GNAL: variants seen among roughly 807,000 people sequenced by gnomAD.
GNAL encodes G protein subunit alpha L, also known as guanine nucleotide-binding protein G(olf) subunit alpha.
In GNAL, 18 loss-of-function variants were observed where a neutral mutation model predicts 55.1. The observed-to-expected ratio is 0.33, with a 90% CI of 0.23 to 0.48. GNAL has a LOEUF of 0.48. GNAL is among the 20% of genes least tolerant of loss of function. The pLI, the probability that GNAL is intolerant of heterozygous loss-of-function variation, is 0.99. For missense variants in GNAL, 412 were observed against 614.1 expected (o/e 0.67, Z 3.48); for synonymous variants, 253 against 237.0 (o/e 1.07, Z -0.62).
intron 1 of GNAL, among the ~76,000 whole-genome samples, chr18:11,697,263 C>T (rs1324481469): frequency 6.6e-6 from 1 of 151,902 alleles, no homozygotes; most frequent in African/African-American, 2.4e-5. Context: ...GGAGGCCGGG[C>T]ACGGTGGTGC....
chr18:11,769,473 T>TG (rs139249219), intron 4 of GNAL, among the ~76,000 whole-genome samples: 23,853 of 151,966 alleles, frequency 0.16, 2,072 homozygotes, highest in East Asian at 0.32. Flanking sequence ...TTCTCAGGTC[T>TG]GGGGGACAGT....
chr18:11,808,179 G>T (rs763095191), intron 4 of GNAL, among the ~76,000 whole-genome samples: 1 of 151,986 alleles, frequency 6.6e-6, no homozygotes, highest in Non-Finnish European at 1.5e-5. Flanking sequence ...GGAAGGAATC[G>T]CCACTCTCCC....
rs779141061 is a variant in GNAL, at chr18:11,885,066, C to T, written c.*3931C>T. On this transcript the variant is annotated 3_prime_UTR_variant, in exon 12 of 12. Coordinates refer to ENST00000334049, the MANE Select transcript of GNAL (RefSeq NM_182978.4). ...TCCCTAGAAATACATGTGTCCAGGT[C>T]GTCTCCATGGGCTTTTCTTTGCAGA... 3.9e-6 allele frequency: 5 copies of T among 1,288,204 alleles called. No homozygotes were observed. Among genetic ancestry groups the T allele is most frequent in the South Asian group, 2.5e-5 (2 of 80,154 alleles). The allele number at this position is 1,288,204 out of a possible 1,614,324, so 79.8% of individuals were successfully genotyped here. A position where few individuals can be genotyped will look rare whatever the true frequency, so the allele number is the denominator to read the frequency against.
chr18:11,865,280 C>T (rs1319116351), intron 7 of GNAL, among the ~76,000 whole-genome samples: 1 of 149,582 alleles, frequency 6.7e-6, no homozygotes, highest in Non-Finnish European at 1.5e-5. Context: ...AAGCCCTCTG[C>T]CTATGACCAG....
In GNAL at chr18:11,752,692, C is replaced by G; in HGVS notation, c.377-161C>G. ...GCGAGGGTCGCGCGCACCTCTGGGC[C>G]GCGGAGCCCAGACGGCGGCCGGGGC... On this transcript the variant is annotated intron_variant, in intron 1 of 11. Transcript: ENST00000334049. The surrounding 1 kb of genome is among the most constrained non-coding windows in gnomAD (Gnocchi z 4.5). 27 of 1,243,864 alleles carry G rather than the reference C, an allele frequency of 2.2e-5. No individual in the cohort carries two copies. The highest frequency in any genetic ancestry group is 2.8e-5 in the Non-Finnish European group (26 of 927,122). 77.1% of individuals were successfully genotyped at this position (1,243,864 alleles called of 1,614,324 possible).
In GNAL at chr18:11,711,294, T is replaced by G. The variant is rs144172591; in HGVS notation, c.376+21355T>G. 4.7e-3 allele frequency among the ~76,000 whole-genome samples: 710 copies of G among 152,366 alleles called. 5 individuals are homozygous for G. The highest frequency in any genetic ancestry group is 7.1e-3 in the Non-Finnish European group (481 of 68,034). On this transcript the variant is annotated intron_variant, in intron 1 of 11. Transcript: ENST00000334049. ...GACCATTATTTCTTTTAATAAGCTT[T>G]CTTCCTCAGTTTCTTTCTTCACCTT...
At position 11,771,808 on chromosome 18, in the gene GNAL, G is replaced by T. The variant is rs940800725; in HGVS notation, c.624+17863G>T. ...CAGCTCACTGCAACCTCCTCCTTCT[G>T]GGTTCAAGCGATTCTCCTGCCTCAG... On this transcript the variant is annotated intron_variant, in intron 4 of 11. Coordinates refer to ENST00000334049, the MANE Select transcript of GNAL (RefSeq NM_182978.4). Among the ~76,000 whole-genome samples, 3 of 152,222 alleles carry T rather than the reference G, an allele frequency of 2.0e-5. No homozygotes were observed. In the East Asian group the frequency reaches 5.8e-4, roughly 29 times the overall value.
chr18:11,761,658 C>T (rs71350460), intron 4 of GNAL, among the ~76,000 whole-genome samples: 108 of 152,256 alleles, frequency 7.1e-4, no homozygotes, highest in Non-Finnish European at 1.4e-3. Flanking sequence ...TGCCTCTCTC[C>T]CTAGGCCTGC....
Position 11,798,344 on chromosome 18 carries a change from A to T in GNAL, c.625-26574A>T, listed in dbSNP as rs528098360. Among the ~76,000 whole-genome samples the T allele has an allele frequency of 1.1e-4, 16 of 152,366 alleles. No individual in the cohort carries two copies. The South Asian group carries it at 2.1e-3, about 20-fold the overall frequency. ...TTGGGTTAGTGTTACATTCTCCAAGACATAACTGTGAAACCTTTGTAGTTA... is the reference window on the plus strand; with the variant it reads ...TTGGGTTAGTGTTACATTCTCCAAGTCATAACTGTGAAACCTTTGTAGTTA... On this transcript the variant is annotated intron_variant, in intron 4 of 11. Transcript: ENST00000334049.
At chr18:11,744,392 C>T (rs1481482819) in intron 1 of GNAL, among the ~76,000 whole-genome samples, 1 of 152,108 alleles carries the variant, frequency 6.6e-6, no homozygotes, top group Non-Finnish European at 1.5e-5. Flanking sequence ...CTGCTTTTCT[C>T]TAAAAATCGT....
At chr18:11,756,488 C>T (rs1290923230) in intron 4 of GNAL, among the ~76,000 whole-genome samples, 1 of 151,584 alleles carries the variant, frequency 6.6e-6, no homozygotes, top group African/African-American at 2.4e-5. Context: ...TCTTAAATGT[C>T]TATGCACATG....
rs113737026 is a variant in GNAL, at chr18:11,740,067, C to CTATTTATT, written c.377-12779_377-12778insTTATTTAT. Among the ~76,000 whole-genome samples, 654 of 151,958 alleles carry CTATTTATT rather than the reference C, an allele frequency of 4.3e-3. 1 individual carries two copies. The highest frequency in any genetic ancestry group is 7.3e-3 in the African/African-American group (300 of 41,332). On this transcript the variant is annotated intron_variant, in intron 1 of 11. Transcript: ENST00000334049. ...GCCTTTGGCTAGAGTCCTCCCTTTT[C>CTATTTATT]TATTTATGTATTTATTTATTTATTT... is the stretch of plus-strand genomic sequence containing the variant.
At chr18:11,797,598 G>T (rs1317010575) in intron 4 of GNAL, among the ~76,000 whole-genome samples, 2 of 152,038 alleles carry the variant, frequency 1.3e-5, no homozygotes, top group African/African-American at 4.8e-5. Flanking sequence ...ACACAAATTA[G>T]CTGGGCATGG....
intron 1 of GNAL, among the ~76,000 whole-genome samples, chr18:11,717,090 C>T (rs867704935): frequency 3.9e-5 from 6 of 152,242 alleles, no homozygotes; most frequent in South Asian, 2.1e-4. Flanking sequence ...AGCCCTGCCA[C>T]GCGGGAAGGC....
In GNAL at chr18:11,824,968, A is replaced by G. The variant is rs763693384; in HGVS notation, c.675A>G (p.Ala225=). ...KKLWDDEGVK[A]CFERSNEYQL... Reference sequence around the variant, plus strand: ...TTTGGGACGATGAAGGCGTGAAGGCATGCTTTGAGAGATCCAACGAATACC... The same window carrying G: ...TTTGGGACGATGAAGGCGTGAAGGCGTGCTTTGAGAGATCCAACGAATACC... The change falls in exon 5 of 12, where the codon GCA becomes GCG. Residue 225 remains alanine, a synonymous_variant. Transcript: ENST00000334049. The G allele has an allele frequency of 1.2e-6, 2 of 1,608,826 alleles. No individual in the cohort carries two copies. Among genetic ancestry groups the G allele is most frequent in the East Asian group, 2.2e-5 (1 of 44,834 alleles).
At chr18:11,874,241 C>G (rs1484308422) in intron 10 of GNAL, 1 of 152,240 alleles carries the variant, frequency 6.6e-6, no homozygotes, top group Non-Finnish European at 1.5e-5. Flanking sequence ...AGAGACTCAC[C>G]CATCCCTGAG....
chr18:11,776,383 G>A (rs1367635286), intron 4 of GNAL, among the ~76,000 whole-genome samples: 2 of 152,116 alleles, frequency 1.3e-5, no homozygotes, highest in African/African-American at 4.8e-5. Flanking sequence ...GTCACACTCT[G>A]TGGTGTGTAG....
intron 1 of GNAL, among the ~76,000 whole-genome samples, chr18:11,709,255 T>G (rs537033248): frequency 1.3e-5 from 2 of 152,144 alleles, no homozygotes; most frequent in African/African-American, 4.8e-5. Flanking sequence ...TTGTTCTTCT[T>G]TCTCAAGATT....
At position 11,689,559 on chromosome 18, in the gene GNAL, C is replaced by A; in HGVS notation, c.-5C>A. On this transcript the variant is annotated 5_prime_UTR_variant, in exon 1 of 12. Transcript: ENST00000334049. ...CGCGCGCCGCCCCCGCTGTGCCGCG[C>A]CCACATGGGTCTGTGCTACAGTCTG... is the stretch of plus-strand genomic sequence containing the variant. The A allele has an allele frequency of 1.6e-6, 2 of 1,243,274 alleles. No individual in the cohort carries two copies. The highest frequency in any genetic ancestry group is 1.0e-6 in the Non-Finnish European group (1 of 991,296). The allele number at this position is 1,243,274 out of a possible 1,614,324, so 77.0% of individuals were successfully genotyped here. A position where few individuals can be genotyped will look rare whatever the true frequency, so the allele number is the denominator to read the frequency against.
Sources: gnomAD v4.1 joint callset for allele counts (sites outside exome capture counted in the v4.1 genomes callset) on GRCh38, gnomAD v4.1.1 for gene constraint, Gnocchi (gnomAD v3.1) non-coding constraint, MANE v1.5 for transcripts, NCBI Gene and HGNC (gene_info 2026-07-23, HGNC 2026-07-21) for gene names.